DPP10: variants seen among roughly 807,000 people sequenced by gnomAD.
DPP10 encodes the protein inactive dipeptidyl peptidase 10.
A neutral mutation model predicts 120.9 loss-of-function variants in DPP10; 33 were observed. That is an observed-to-expected ratio of 0.27 (90% CI 0.21 to 0.37). DPP10 has a LOEUF of 0.37. Ranked by LOEUF, DPP10 falls within the 10% of genes least tolerant of loss-of-function variation. The pLI is 1.00. For missense variants in DPP10, 816 were observed against 942.8 expected (o/e 0.87, Z 1.76); for synonymous variants, 337 against 326.1 (o/e 1.03, Z -0.36).
intron 5 of DPP10, among the ~76,000 whole-genome samples, chr2:115,605,043 C>T (rs922438562): frequency 3.3e-5 from 5 of 152,028 alleles, no homozygotes; most frequent in African/African-American, 9.7e-5. Context: ...CAACAAAATA[C>T]GAAGATAGGT....
At chr2:115,811,781 A>G (rs979265933) in intron 19 of DPP10, among the ~76,000 whole-genome samples, 2 of 152,264 alleles carry the variant, frequency 1.3e-5, no homozygotes, top group East Asian at 1.9e-4. Context: ...TCATTGGTCC[A>G]TCTAGAAAAT....
chr2:115,082,399 A>G (rs1708347968), intron 1 of DPP10, among the ~76,000 whole-genome samples: 1 of 152,194 alleles, frequency 6.6e-6, no homozygotes, highest in Non-Finnish European at 1.5e-5. Context: ...TTTTGTCTAC[A>G]TGGAACTATG....
intron 3 of DPP10, among the ~76,000 whole-genome samples, chr2:115,353,178 G>T (rs543177087): frequency 6.6e-6 from 1 of 152,082 alleles, no homozygotes; most frequent in Non-Finnish European, 1.5e-5. Flanking sequence ...AACGGTTGGA[G>T]TCGTCTTTAT....
At chr2:115,597,217 A>G (rs980607132) in intron 5 of DPP10, among the ~76,000 whole-genome samples, 2 of 152,088 alleles carry the variant, frequency 1.3e-5, no homozygotes, top group Non-Finnish European at 2.9e-5. Flanking sequence ...AGGCAACCCA[A>G]CACCAGTCAG....
rs557008619 is a variant in DPP10 at position 115,011,906 on chromosome 2, G to A, written c.61-297333G>A. Among the ~76,000 whole-genome samples, 26 of 152,040 alleles carry A rather than the reference G, an allele frequency of 1.7e-4. No homozygotes were observed. The South Asian group carries it at 5.2e-3, about 31-fold the overall frequency. ...GGGCCAATTCTCAGCCCTGCTCACTGGTTGCCTGGAAATAGACTCGGTGCT... is the reference window on the plus strand; with the variant it reads ...GGGCCAATTCTCAGCCCTGCTCACTAGTTGCCTGGAAATAGACTCGGTGCT... On this transcript the variant is annotated intron_variant, in intron 1 of 25. Transcript: ENST00000410059.
chr2:115,366,597 G>A (rs958046728), intron 3 of DPP10, among the ~76,000 whole-genome samples: 6 of 151,978 alleles, frequency 3.9e-5, no homozygotes, highest in African/African-American at 1.4e-4. Flanking sequence ...CGAGTCCTTA[G>A]GATGATGTTG....
At chr2:115,336,573 C>CAA (rs2063144503) in intron 2 of DPP10, among the ~76,000 whole-genome samples, 1 of 149,978 alleles carries the variant, frequency 6.7e-6, no homozygotes. Flanking sequence ...CTCTCTCTCT[C>CAA]TCTCTCTCTG....
At chr2:114,731,714 A>G (rs951487475) in intron 1 of DPP10, among the ~76,000 whole-genome samples, 10 of 152,320 alleles carry the variant, frequency 6.6e-5, no homozygotes, top group Non-Finnish European at 1.2e-4. Flanking sequence ...AACACATGAA[A>G]TAGCAGAAGC....
rs551979494 is a variant in DPP10 at position 115,179,001 on chromosome 2, A to G, written c.61-130238A>G. On this transcript the variant is annotated intron_variant, in intron 1 of 25. Coordinates refer to ENST00000410059, the MANE Select transcript of DPP10 (RefSeq NM_020868.6). ...CCATCTAGATAGCATTGGTCTACAT[A>G]TGTTAATGGGGATCTTAACAAATTA... 2.0e-5 allele frequency among the ~76,000 whole-genome samples: 3 copies of G among 152,340 alleles called. No homozygotes were observed. The East Asian group carries it at 5.8e-4, about 29-fold the overall frequency.
At chr2:114,947,132 AT>A (rs36122417) in intron 1 of DPP10, among the ~76,000 whole-genome samples, 53,717 of 150,376 alleles carry the variant, frequency 0.36, 9,899 homozygotes, top group Non-Finnish European at 0.41. Context: ...ATTCAAGTGA[AT>A]TTTTTTTTTA....
rs140784273 is a variant in DPP10, at chr2:115,785,805, C to T, written c.1531+3406C>T. Among the ~76,000 whole-genome samples, 315 of 147,298 alleles carry T rather than the reference C, an allele frequency of 2.1e-3. 1 individual carries two copies. Among genetic ancestry groups the T allele is most frequent in the African/African-American group, 7.2e-3 (294 of 40,700 alleles). ...AACTTTTGGTTTTTATGCTTTTTCACGTATTCATTTCATTCAGTTCAGCTC... is the reference window on the plus strand; with the variant it reads ...AACTTTTGGTTTTTATGCTTTTTCATGTATTCATTTCATTCAGTTCAGCTC... On this transcript the variant is annotated intron_variant, in intron 17 of 25. Coordinates refer to ENST00000410059, the MANE Select transcript of DPP10 (RefSeq NM_020868.6).
chr2:115,168,005 A>G (rs192342465), intron 1 of DPP10, among the ~76,000 whole-genome samples: 2 of 152,290 alleles, frequency 1.3e-5, no homozygotes, highest in East Asian at 3.9e-4. Context: ...AAGGAAAGAC[A>G]GATGGGATTT....
chr2:115,697,483 AAATC>A (rs2091655498), intron 7 of DPP10, among the ~76,000 whole-genome samples: 2 of 151,940 alleles, frequency 1.3e-5, no homozygotes, highest in African/African-American at 4.8e-5. Context: ...AGAGACAAAT[AAATC>A]AATACAGTAA....
At chr2:114,463,444 G>A (rs1349731647) in intron 1 of DPP10, 1 of 152,026 alleles carries the variant, frequency 6.6e-6, no homozygotes, top group Non-Finnish European at 1.5e-5. Context: ...ATGTTCCTTT[G>A]AAAAATAGCT....
intron 1 of DPP10, among the ~76,000 whole-genome samples, chr2:114,469,206 C>A (rs981331152): frequency 2.6e-5 from 4 of 152,224 alleles, no homozygotes; most frequent in Middle Eastern, 3.4e-3. Flanking sequence ...TTTATTCCAT[C>A]ATCTTAGGGC....
intron 7 of DPP10, among the ~76,000 whole-genome samples, chr2:115,719,066 G>A (rs938562801): frequency 2.0e-5 from 3 of 152,140 alleles, no homozygotes; most frequent in Non-Finnish European, 4.4e-5. Flanking sequence ...TATTCATCAC[G>A]AGGTCTTCTC....
At chr2:115,566,975 C>T (rs985622714) in intron 5 of DPP10, among the ~76,000 whole-genome samples, 4 of 152,066 alleles carry the variant, frequency 2.6e-5, no homozygotes, top group African/African-American at 9.7e-5. Flanking sequence ...TTTACTATTT[C>T]CTCAGCCTTA....
chr2:114,829,664 A>G (rs1175123580), intron 1 of DPP10, among the ~76,000 whole-genome samples: 1 of 151,800 alleles, frequency 6.6e-6, no homozygotes, highest in African/African-American at 2.4e-5. Flanking sequence ...GGCGTGAGCC[A>G]CCGTGCCTGG....
At chr2:114,498,020 T>C (rs1041998215) in intron 1 of DPP10, among the ~76,000 whole-genome samples, 4 of 152,228 alleles carry the variant, frequency 2.6e-5, no homozygotes, top group African/African-American at 9.6e-5. Flanking sequence ...TCATAGTCTT[T>C]CAAAAATTGT....
Sources: gnomAD v4.1 joint callset for allele counts (sites outside exome capture counted in the v4.1 genomes callset) on GRCh38, gnomAD v4.1.1 for gene constraint, MANE v1.5 for transcripts, NCBI Gene and HGNC (gene_info 2026-07-23, HGNC 2026-07-21) for gene names.